Variants in FBN2 observed in about 807,000 individuals in gnomAD.
FBN2 encodes fibrillin 2.
Under a neutral mutation model 355.6 loss-of-function variants are expected in FBN2, and 105 were observed. The ratio of observed to expected loss-of-function variants is 0.30; its 90% CI spans 0.25 to 0.35. The LOEUF is 0.35. Among genes scored for constraint, FBN2 ranks in the 10% least tolerant of loss-of-function variants. The probability of loss-of-function intolerance (pLI) is 1.00; values close to 1 mark genes in which losing one functional copy is unlikely to be tolerated. For missense variants in FBN2, 3,280 were observed against 3,758.7 expected (o/e 0.87, Z 3.33); for synonymous variants, 1,350 against 1,301.2 (o/e 1.04, Z -0.81).
At chr5:128,481,177 A>AG (rs909402014) in intron 5 of FBN2, among the ~76,000 whole-genome samples, 3 of 105,368 alleles carry the variant, frequency 2.8e-5, no homozygotes, top group Non-Finnish European at 5.4e-5. Context: ...ATTTTTACTC[A>AG]GGGAAAAAAA....
chr5:128,324,581 T>C (rs1750489151), intron 34 of FBN2, among the ~76,000 whole-genome samples: 1 of 152,042 alleles, frequency 6.6e-6, no homozygotes, highest in Non-Finnish European at 1.5e-5. Flanking sequence ...TCAGTTTCCA[T>C]ATAGTTGTGC....
chr5:128,496,580 G>A (rs55744450), intron 5 of FBN2, among the ~76,000 whole-genome samples: 206 of 152,022 alleles, frequency 1.4e-3, no homozygotes, highest in African/African-American at 4.1e-3. Flanking sequence ...GTTACGTTCC[G>A]CGTAAGATCA....
At chr5:128,437,259 A>G (rs2127040811) in intron 7 of FBN2, among the ~76,000 whole-genome samples, 1 of 152,312 alleles carries the variant, frequency 6.6e-6, no homozygotes, top group Non-Finnish European at 1.5e-5. Context: ...GAAAGCTGAC[A>G]AACACGCTAT....
At chr5:128,333,114 A>C in intron 31 of FBN2, 80 bp from the exon 32 acceptor site, 1 of 1,298,120 alleles carries the variant, frequency 7.7e-7, no homozygotes, top group Non-Finnish European at 1.1e-6. Context: ...TTGTATAGGT[A>C]ACATTTTAAA....
intron 8 of FBN2, among the ~76,000 whole-genome samples, chr5:128,405,219 C>G (rs1240251054): frequency 6.6e-6 from 1 of 151,966 alleles, no homozygotes; most frequent in Non-Finnish European, 1.5e-5. Flanking sequence ...AAAAGTGATA[C>G]CTATTTTGGG....
intron 5 of FBN2, among the ~76,000 whole-genome samples, 179 bp downstream of exon 5, chr5:128,519,094 G>A (rs563852216): frequency 6.6e-6 from 1 of 152,240 alleles, no homozygotes; most frequent in African/African-American, 2.4e-5. Context: ...GGAAAAAGTT[G>A]AGACACTTCT....
At chr5:128,437,409 G>A (rs941877573) in intron 7 of FBN2, among the ~76,000 whole-genome samples, 6 of 152,084 alleles carry the variant, frequency 3.9e-5, no homozygotes, top group East Asian at 1.9e-4. Context: ...CTTTTGTAAC[G>A]TTTAACAACT....
At chr5:128,456,480 C>T (rs1479306696) in intron 6 of FBN2, among the ~76,000 whole-genome samples, 1 of 152,096 alleles carries the variant, frequency 6.6e-6, no homozygotes, top group Non-Finnish European at 1.5e-5. Context: ...CCAGTGCCAC[C>T]CAACTGGGTG....
intron 5 of FBN2, among the ~76,000 whole-genome samples, chr5:128,499,590 T>A (rs186228085): frequency 2.1e-4 from 32 of 152,202 alleles, no homozygotes; most frequent in African/African-American, 7.5e-4. Flanking sequence ...TGAATTTGAA[T>A]CTCCAAGGAA....
intron 6 of FBN2, among the ~76,000 whole-genome samples, chr5:128,447,188 C>G (rs953510442): frequency 2.6e-5 from 4 of 152,116 alleles, no homozygotes; most frequent in African/African-American, 7.2e-5. Flanking sequence ...ATCTAGGCAC[C>G]TTGAAAAAAG....
intron 33 of FBN2, among the ~76,000 whole-genome samples, chr5:128,329,897 TATA>T (rs1750647989): frequency 6.6e-6 from 1 of 152,196 alleles, no homozygotes; most frequent in East Asian, 1.9e-4. Context: ...TATACATGCA[TATA>T]ATGAGAGGAT....
intron 5 of FBN2, among the ~76,000 whole-genome samples, chr5:128,467,807 T>C (rs1754752850): frequency 6.6e-6 from 1 of 152,166 alleles, no homozygotes. Flanking sequence ...GAAACACAAA[T>C]ATTGCTAGTT....
At chr5:128,345,278 A>G (rs910948753) in intron 24 of FBN2, 79 bp downstream of exon 24, 2 of 1,212,872 alleles carry the variant, frequency 1.6e-6, no homozygotes, top group African/African-American at 3.0e-5. Flanking sequence ...CAAACATTTA[A>G]AGCAAAACCA....
chr5:128,491,612 C>G (rs1326387071), intron 5 of FBN2, among the ~76,000 whole-genome samples: 1 of 152,206 alleles, frequency 6.6e-6, no homozygotes, highest in Non-Finnish European at 1.5e-5. Context: ...CTTCTCCTTA[C>G]TCTTTAATAG....
intron 5 of FBN2, among the ~76,000 whole-genome samples, chr5:128,481,062 T>C (rs1486226283): frequency 6.6e-6 from 1 of 152,124 alleles, no homozygotes; most frequent in Non-Finnish European, 1.5e-5. Context: ...GCTCCCTATT[T>C]CCCAAAGATC....
chr5:128,493,721 G>A (rs1398500546), intron 5 of FBN2, among the ~76,000 whole-genome samples: 4 of 152,180 alleles, frequency 2.6e-5, no homozygotes, highest in African/African-American at 9.7e-5. Context: ...AAGGATGACT[G>A]CTACATGGTC....
intron 7 of FBN2, among the ~76,000 whole-genome samples, chr5:128,429,009 A>C (rs1204467893): frequency 2.0e-5 from 3 of 152,158 alleles, no homozygotes; most frequent in Non-Finnish European, 4.4e-5. Context: ...AGGTAGTTGC[A>C]TGGACAGAGC....
At position 128,530,668 on chromosome 5, in the gene FBN2, A is replaced by G. The variant is rs1211440033; in HGVS notation, c.363T>C (p.Asp121=). The G allele has an allele frequency of 3.1e-6, 5 of 1,612,494 alleles. No individual in the cohort carries two copies. The Admixed American group carries it at 6.7e-5, about 21-fold the overall frequency. ...IVPICRNSCG[D]GFCSRPNMCT... ...ACATGTTAGGACGGGAACAAAATCC[A>G]TCTCCACAACTATTTCTACAAATCG... The change falls in exon 3 of 65, where the codon GAT becomes GAC. Residue 121 remains aspartate, a synonymous_variant. Coordinates refer to ENST00000262464, the MANE Select transcript of FBN2 (RefSeq NM_001999.4).
At chr5:128,355,260 T>G (rs905777794) in intron 20 of FBN2, among the ~76,000 whole-genome samples, 2 of 152,156 alleles carry the variant, frequency 1.3e-5, no homozygotes, top group Non-Finnish European at 2.9e-5. Context: ...TCCATGCAAG[T>G]TGAAGACAGA....
Sources: gnomAD v4.1 joint callset for allele counts (sites outside exome capture counted in the v4.1 genomes callset) on GRCh38, gnomAD v4.1.1 for gene constraint, MANE v1.5 for transcripts, NCBI Gene and HGNC (gene_info 2026-07-23, HGNC 2026-07-21) for gene names.